ZBTB7C: variants seen among roughly 807,000 people sequenced by gnomAD.
ZBTB7C encodes zinc finger and BTB domain containing 7C, also known as zinc finger and BTB domain-containing protein 7C.
In ZBTB7C, 8 loss-of-function variants were observed where a neutral mutation model predicts 25.7. That is an observed-to-expected ratio of 0.31 (90% CI 0.18 to 0.56). The LOEUF is 0.56. Ranked by LOEUF, ZBTB7C falls within the 20% of genes least tolerant of loss-of-function variation. ZBTB7C has a pLI of 0.91. For synonymous variants in ZBTB7C, 394 were observed against 369.0 expected, an observed-to-expected ratio of 1.07 and a Z score of -0.78; for missense variants, 824 against 855.2, an observed-to-expected ratio of 0.96 and a Z score of 0.46.
chr18:48,039,793 TG>T, intron 4 of ZBTB7C, 106 bp downstream of exon 4: 1 of 1,191,670 alleles, frequency 8.4e-7, no homozygotes, highest in Non-Finnish European at 1.2e-6. Context: ...TGCATGTGTG[TG>T]GGATCTATCT....
chr18:48,120,253 G>A (rs901993937), intron 3 of ZBTB7C, among the ~76,000 whole-genome samples: 116 of 152,280 alleles, frequency 7.6e-4, no homozygotes, highest in Non-Finnish European at 6.3e-4. Flanking sequence ...GGAAGGCTCC[G>A]AGCAGAAGCA....
intron 3 of ZBTB7C, among the ~76,000 whole-genome samples, chr18:48,101,205 T>G (rs13381838): frequency 0.55 from 83,008 of 151,984 alleles, 23,330 homozygotes; most frequent in South Asian, 0.67. Flanking sequence ...TGCCTGTGTG[T>G]CACCTGATTC....
chr18:48,068,820 T>C (rs2037434262), intron 3 of ZBTB7C, among the ~76,000 whole-genome samples: 1 of 152,194 alleles, frequency 6.6e-6, no homozygotes, highest in Non-Finnish European at 1.5e-5. Context: ...ATGGACCACC[T>C]CTCAAGGCCC....
chr18:48,366,856 T>C (rs1251589219), intron 1 of ZBTB7C, among the ~76,000 whole-genome samples: 1 of 152,114 alleles, frequency 6.6e-6, no homozygotes, highest in African/African-American at 2.4e-5. Flanking sequence ...GCCACTACCA[T>C]ATATGTGAAA....
intron 2 of ZBTB7C, among the ~76,000 whole-genome samples, chr18:48,335,961 T>C (rs571501611): frequency 1.2e-3 from 182 of 152,330 alleles, no homozygotes; most frequent in African/African-American, 4.2e-3. Context: ...CCAGTGGCTA[T>C]TGGGCCACCT....
intron 2 of ZBTB7C, among the ~76,000 whole-genome samples, chr18:48,267,740 A>G (rs530524878): frequency 6.6e-6 from 1 of 152,170 alleles, no homozygotes; most frequent in South Asian, 2.1e-4. Context: ...TAGAACTTTC[A>G]TAAAAGAGAC....
At chr18:48,124,813 G>C (rs1598924011) in intron 3 of ZBTB7C, among the ~76,000 whole-genome samples, 1 of 152,234 alleles carries the variant, frequency 6.6e-6, no homozygotes. Flanking sequence ...TGGACAGGCA[G>C]AATTTTAACA....
chr18:48,077,260 A>T (rs944925494), intron 3 of ZBTB7C, among the ~76,000 whole-genome samples: 6 of 152,178 alleles, frequency 3.9e-5, no homozygotes, highest in East Asian at 3.9e-4. Context: ...TATAGTTAAT[A>T]ATAAGGTATG....
chr18:48,273,948 A>C (rs538322077), intron 2 of ZBTB7C, among the ~76,000 whole-genome samples: 1 of 152,330 alleles, frequency 6.6e-6, no homozygotes. Flanking sequence ...ATCAAAAGGG[A>C]AAGAACCTAC....
intron 3 of ZBTB7C, among the ~76,000 whole-genome samples, chr18:48,175,057 A>G (rs1480373760): frequency 6.6e-6 from 1 of 152,156 alleles, no homozygotes; most frequent in Non-Finnish European, 1.5e-5. Flanking sequence ...GTACCTTTCT[A>G]TTTGACTTCT....
chr18:48,040,239 T>C lies in ZBTB7C; in HGVS notation c.869A>G (p.Lys290Arg). Residue 290 changes from lysine to arginine, a missense_variant, in exon 4 of 5, where the codon AAG becomes AGG. Transcript: ENST00000590800. The stretch of plus-strand genomic sequence containing the variant: ...GGGCAGCTCCTCCTTCTCCTCCTCC[T>C]TGATCTTCCGATTCTTGATGACCAG... ...LDLVIKNRKI[K>R]EEEKEELPPP... 6.4e-7 allele frequency: 1 copy of C among 1,565,732 alleles called. No individual in the cohort carries two copies. Among genetic ancestry groups the C allele is most frequent in the South Asian group, 1.2e-5 (1 of 82,136 alleles).
chr18:48,183,210 C>T (rs1019329588), intron 3 of ZBTB7C, among the ~76,000 whole-genome samples: 3 of 152,184 alleles, frequency 2.0e-5, no homozygotes, highest in Non-Finnish European at 2.9e-5. Flanking sequence ...ATAACCCCAA[C>T]TGCTGACTCT....
intron 2 of ZBTB7C, among the ~76,000 whole-genome samples, chr18:48,246,741 G>A (rs937632819): frequency 6.6e-6 from 1 of 151,890 alleles, no homozygotes; most frequent in African/African-American, 2.4e-5. Context: ...ACACCATATC[G>A]TACTTGAGGT....
intron 3 of ZBTB7C, among the ~76,000 whole-genome samples, chr18:48,128,693 G>A (rs2039887218): frequency 6.6e-6 from 1 of 151,972 alleles, no homozygotes; most frequent in Admixed American, 6.6e-5. Context: ...AATGGACACT[G>A]GAGACTCAGA....
chr18:48,110,330 C>CA (rs111272407), intron 3 of ZBTB7C, among the ~76,000 whole-genome samples: 30,155 of 151,766 alleles, frequency 0.2, 3,132 homozygotes, highest in African/African-American at 0.21. Flanking sequence ...GCCCTACCCC[C>CA]CCACCTGGTT....
At chr18:48,372,771 T>C (rs1401318701) in intron 1 of ZBTB7C, among the ~76,000 whole-genome samples, 2 of 152,102 alleles carry the variant, frequency 1.3e-5, no homozygotes, top group Non-Finnish European at 2.9e-5. Context: ...ATAATCATGA[T>C]TCTACCCTAT....
At position 48,173,524 on chromosome 18, in the gene ZBTB7C, C is replaced by A. The variant is rs148687778; in HGVS notation, c.-17+12410G>T. 4.6e-5 allele frequency among the ~76,000 whole-genome samples: 7 copies of A among 152,330 alleles called. No individual in the cohort carries two copies. The East Asian group carries it at 5.8e-4, about 13-fold the overall frequency. On this transcript the variant is annotated intron_variant, in intron 3 of 4. Coordinates refer to ENST00000590800, the MANE Select transcript of ZBTB7C (RefSeq NM_001318841.2). ...GTCTCAGGGCCTATGATACGTCCCC[C>A]CTTCCCATCCATTCAACTTGTATCT...
chr18:48,384,633 A>G (rs1189725248), intron 1 of ZBTB7C, among the ~76,000 whole-genome samples: 2 of 151,724 alleles, frequency 1.3e-5, no homozygotes, highest in Non-Finnish European at 2.9e-5. Flanking sequence ...TTATTTTTGC[A>G]ATTTTTTTTT....
At chr18:48,065,298 C>T (rs974681531) in intron 3 of ZBTB7C, among the ~76,000 whole-genome samples, 1 of 152,118 alleles carries the variant, frequency 6.6e-6, no homozygotes, top group Non-Finnish European at 1.5e-5. Context: ...AATACCAGAG[C>T]CTTGCTGGAG....
Sources: gnomAD v4.1 joint callset for allele counts (sites outside exome capture counted in the v4.1 genomes callset) on GRCh38, gnomAD v4.1.1 for gene constraint, MANE v1.5 for transcripts, NCBI Gene and HGNC (gene_info 2026-07-23, HGNC 2026-07-21) for gene names.